IGF1R: variants seen among roughly 807,000 people sequenced by gnomAD.
IGF1R encodes the protein insulin-like growth factor 1 receptor.
IGF1R carries 44 observed loss-of-function variants against 144.6 expected under a neutral mutation model. The ratio of observed to expected loss-of-function variants is 0.30; its 90% CI spans 0.24 to 0.39. IGF1R has a LOEUF of 0.39. Ranked by LOEUF, IGF1R falls within the 10% of genes least tolerant of loss-of-function variation. The probability of loss-of-function intolerance (pLI) is 1.00; values close to 1 mark genes in which losing one functional copy is unlikely to be tolerated. For synonymous variants in IGF1R, 795 were observed against 722.8 expected, an observed-to-expected ratio of 1.10 and a Z score of -1.60; for missense variants, 1,355 against 1,833.7, an observed-to-expected ratio of 0.74 and a Z score of 4.77.
Position 98,648,876 on chromosome 15 carries a change from CGGCGCGGGGCG to C in IGF1R, c.-701_-691del, listed in dbSNP as rs1338264513. 1 of 143,608 alleles carries C rather than the reference CGGCGCGGGGCG, an allele frequency of 7.0e-6. No individual in the cohort carries two copies. The highest frequency in any genetic ancestry group is 2.5e-5 in the African/African-American group (1 of 39,854). 8.9% of individuals were successfully genotyped at this position (143,608 alleles called of 1,614,324 possible). A position where few individuals can be genotyped will look rare whatever the true frequency, so the allele number is the denominator to read the frequency against. On this transcript the variant is annotated 5_prime_UTR_variant, in exon 1 of 21. Coordinates refer to ENST00000650285, the MANE Select transcript of IGF1R (RefSeq NM_000875.5). Reference sequence around the variant, plus strand: ...CGGCGGGCGGGGGCCGGGCGGGGGCCGGCGCGGGGCGGGCGGCGGCGCAGAGCCGGGCGGCG... The same window carrying C: ...CGGCGGGCGGGGGCCGGGCGGGGGCCGGCGGCGGCGCAGAGCCGGGCGGCG...
At chr15:98,805,503 G>GGTGT (rs58675410) in intron 2 of IGF1R, among the ~76,000 whole-genome samples, 3,504 of 150,152 alleles carry the variant, frequency 0.023, 112 homozygotes, top group African/African-American at 0.08. Flanking sequence ...GTGTGTGTAT[G>GGTGT]GTGTGTGTGT....
At chr15:98,784,047 T>TAGAGTG (rs1206216925) in intron 2 of IGF1R, among the ~76,000 whole-genome samples, 4 of 126,142 alleles carry the variant, frequency 3.2e-5, no homozygotes, top group African/African-American at 1.2e-4. Flanking sequence ...CAGTCTCAGC[T>TAGAGTG]CACTGCAGCC....
At chr15:98,835,071 C>A (rs941643544) in intron 2 of IGF1R, among the ~76,000 whole-genome samples, 3 of 99,602 alleles carry the variant, frequency 3.0e-5, no homozygotes, top group African/African-American at 1.2e-4. Context: ...GGCAAGAGAA[C>A]ACCCCCCCTA....
At chr15:98,830,603 A>ATTTTTTTT (rs1555450173) in intron 2 of IGF1R, among the ~76,000 whole-genome samples, 13 of 133,712 alleles carry the variant, frequency 9.7e-5, no homozygotes, top group African/African-American at 3.3e-4. Context: ...TCTGATCATC[A>ATTTTTTTT]TCTTTTTTTT....
intron 2 of IGF1R, among the ~76,000 whole-genome samples, chr15:98,869,825 C>A (rs1181142492): frequency 6.6e-6 from 1 of 152,196 alleles, no homozygotes; most frequent in East Asian, 1.9e-4. Flanking sequence ...AATTCAAGGG[C>A]TTTGCTTTTG....
chr15:98,688,739 C>G (rs1391405699), intron 1 of IGF1R, among the ~76,000 whole-genome samples: 1 of 151,900 alleles, frequency 6.6e-6, no homozygotes, highest in Non-Finnish European at 1.5e-5. Context: ...CTCAAAAGGC[C>G]CCATAGATGG....
At chr15:98,850,620 C>T (rs987874392) in intron 2 of IGF1R, among the ~76,000 whole-genome samples, 1 of 152,128 alleles carries the variant, frequency 6.6e-6, no homozygotes, top group African/African-American at 2.4e-5. Flanking sequence ...GATTTTTAGA[C>T]AGAATAGGAA....
intron 2 of IGF1R, among the ~76,000 whole-genome samples, chr15:98,769,251 TG>T (rs145093943): frequency 0.024 from 3,617 of 152,318 alleles, 54 homozygotes; most frequent in Non-Finnish European, 0.039. Flanking sequence ...GTGGCTAATT[TG>T]TCCATGAAGG....
intron 1 of IGF1R, among the ~76,000 whole-genome samples, chr15:98,662,169 C>T (rs1021362087): frequency 2.7e-5 from 4 of 150,404 alleles, no homozygotes; most frequent in Non-Finnish European, 5.9e-5. Flanking sequence ...CTAGTAGAGA[C>T]GGGGTTTAGG....
intron 20 of IGF1R, among the ~76,000 whole-genome samples, chr15:98,950,049 G>A (rs929487546): frequency 2.0e-5 from 3 of 152,208 alleles, no homozygotes; most frequent in African/African-American, 7.2e-5. Flanking sequence ...ACAGGAAGGT[G>A]GGCTCCCACT....
intron 2 of IGF1R, among the ~76,000 whole-genome samples, chr15:98,852,761 C>T (rs963571147): frequency 2.6e-5 from 4 of 152,200 alleles, no homozygotes; most frequent in Non-Finnish European, 5.9e-5. Context: ...CCCTCCATGT[C>T]TGTTTTCCCT....
At chr15:98,735,717 T>A (rs888403666) in intron 2 of IGF1R, among the ~76,000 whole-genome samples, 8 of 152,260 alleles carry the variant, frequency 5.3e-5, no homozygotes, top group Non-Finnish European at 1.2e-4. Flanking sequence ...TATATTTTGA[T>A]GTGTGATCGC....
chr15:98,910,283 G>C (rs1358050798), intron 6 of IGF1R, among the ~76,000 whole-genome samples: 1 of 152,230 alleles, frequency 6.6e-6, no homozygotes, highest in East Asian at 1.9e-4. Context: ...GAGTATTTCA[G>C]AGTGCTTGTC....
chr15:98,800,293 T>G (rs1325736293), intron 2 of IGF1R, among the ~76,000 whole-genome samples: 1 of 152,088 alleles, frequency 6.6e-6, no homozygotes, highest in Non-Finnish European at 1.5e-5. Flanking sequence ...TATTCATAAA[T>G]TAGAAAAATA....
rs776610004 is a variant in IGF1R at position 98,913,211 on chromosome 15, T to A, written c.1757T>A (p.Leu586His). ...QYAVYVKAVT[L>H]TMVENDHIRG... The stretch of plus-strand genomic sequence containing the variant: ...GCCGTTTACGTCAAGGCTGTGACCC[T>A]CACCATGGTGGAGAACGACCATATC... Residue 586 changes from leucine (L) to histidine (H), a missense_variant, in exon 8 of 21, where the codon CTC becomes CAC. Coordinates refer to ENST00000650285, the MANE Select transcript of IGF1R (RefSeq NM_000875.5). The A allele has an allele frequency of 6.2e-7, 1 of 1,614,192 alleles. No homozygotes were observed. The highest frequency in any genetic ancestry group is 8.5e-7 in the Non-Finnish European group (1 of 1,180,036).
intron 1 of IGF1R, among the ~76,000 whole-genome samples, chr15:98,666,198 C>A (rs1298453434): frequency 6.6e-6 from 1 of 152,060 alleles, no homozygotes; most frequent in Admixed American, 6.6e-5. Context: ...ATGGCTATTA[C>A]CAAAAACACC....
At chr15:98,752,018 A>G (rs2141335321) in intron 2 of IGF1R, among the ~76,000 whole-genome samples, 1 of 152,272 alleles carries the variant, frequency 6.6e-6, no homozygotes, top group East Asian at 1.9e-4. Flanking sequence ...CACGGGAATT[A>G]GGGCATCAGG....
Position 98,957,692 on chromosome 15 carries a change from AATG to A in IGF1R, c.*252_*254del. 1.7e-6 allele frequency: 1 copy of A among 578,602 alleles called. No homozygotes were observed. The highest frequency in any genetic ancestry group is 3.1e-6 in the Non-Finnish European group (1 of 323,802). 35.8% of individuals were successfully genotyped at this position (578,602 alleles called of 1,614,324 possible). A position where few individuals can be genotyped will look rare whatever the true frequency, so the allele number is the denominator to read the frequency against. On this transcript the variant is annotated 3_prime_UTR_variant, in exon 21 of 21. Coordinates refer to ENST00000650285, the MANE Select transcript of IGF1R (RefSeq NM_000875.5). ...ACTGACATGGGCCTTTAAGAACCTT[AATG>A]ACAACACTTAATAGCAACAGAGCAC...
intron 2 of IGF1R, among the ~76,000 whole-genome samples, chr15:98,758,059 C>G (rs933915642): frequency 6.6e-6 from 1 of 152,156 alleles, no homozygotes; most frequent in Non-Finnish European, 1.5e-5. Context: ...TTCTCTGTCT[C>G]CTGGATGTGT....
Sources: gnomAD v4.1 joint callset for allele counts (sites outside exome capture counted in the v4.1 genomes callset) on GRCh38, gnomAD v4.1.1 for gene constraint, MANE v1.5 for transcripts, NCBI Gene and HGNC (gene_info 2026-07-23, HGNC 2026-07-21) for gene names.